The following CENPE variants were observed in gnomAD, a reference collection of about 807,000 sequenced individuals.
CENPE encodes centromere-associated protein E.
A neutral mutation model predicts 336.1 loss-of-function variants in CENPE; 145 were observed. That is an observed-to-expected ratio of 0.43 (90% confidence interval 0.38 to 0.50). The LOEUF (loss-of-function observed/expected upper bound fraction) is 0.50. Among genes scored for constraint, CENPE ranks in the 20% least tolerant of loss-of-function variants. CENPE has a pLI of 0.00. For synonymous variants in CENPE, 1,013 were observed against 984.8 expected (o/e 1.03, Z -0.54); for missense variants, 2,719 against 3,023.3 (o/e 0.90, Z 2.36).
chr4:103,151,765 G>A (rs1048973381), intron 25 of CENPE, among the ~76,000 whole-genome samples: 12 of 152,234 alleles, frequency 7.9e-5, no homozygotes, highest in Non-Finnish European at 1.5e-4. Flanking sequence ...CACTGCCAGC[G>A]AGCTCAAAAT....
At chr4:103,144,644 A>T in intron 32 of CENPE, 26 bp from the exon 33 acceptor site, 2 of 1,513,386 alleles carry the variant, frequency 1.3e-6, no homozygotes, top group Non-Finnish European at 1.8e-6. Context: ...AGTAAGTTAC[A>T]ACATAGGCAG....
chr4:103,148,959 T>A lies in CENPE; in HGVS notation c.3728A>T (p.His1243Leu). The A allele has an allele frequency of 6.2e-7, 1 of 1,613,812 alleles. No individual in the cohort carries two copies. The highest frequency in any genetic ancestry group is 1.1e-5 in the South Asian group (1 of 91,034). ...TKEELKIAHI[H>L]LKEHQETIDE... Reference sequence around the variant, plus strand: ...AATAGTTTCTTGGTGTTCTTTTAGGTGAATATGAGCAATTTTTAGTTCTTC... The same window carrying A: ...AATAGTTTCTTGGTGTTCTTTTAGGAGAATATGAGCAATTTTTAGTTCTTC... The change falls in exon 28 of 49, where the codon CAC becomes CTC. Residue 1243 changes from histidine to leucine, a missense_variant. Around this residue, in one of 5 missense-constraint regions of CENPE, gnomAD observed 2,437 missense variants for 2,513.3 expected, o/e 0.97. Transcript: ENST00000265148.
rs745833805 is a variant in CENPE, at chr4:103,145,033, AT to A, written c.4857+16del. ...ATTTCTGTATCCAAAAAAAAAAAAA[AT>A]AAGATGGGAACTTACTTTAGCTACA... On this transcript the variant is annotated intron_variant, in intron 32 of 48. Coordinates refer to ENST00000265148, the MANE Select transcript of CENPE (RefSeq NM_001813.3). The A allele has an allele frequency of 2.7e-6, 4 of 1,477,778 alleles. No homozygotes were observed. Among genetic ancestry groups the A allele is most frequent in the Non-Finnish European group, 3.6e-6 (4 of 1,115,062 alleles). 91.5% of individuals were successfully genotyped at this position (1,477,778 alleles called of 1,614,324 possible).
intron 43 of CENPE, among the ~76,000 whole-genome samples, chr4:103,122,537 T>C (rs75794908): frequency 5.9e-5 from 9 of 152,330 alleles, no homozygotes; most frequent in African/African-American, 2.2e-4. Context: ...TTGTTCTGCA[T>C]ACGGACATAG....
At chr4:103,131,812 G>A (rs762655443) in intron 42 of CENPE, among the ~76,000 whole-genome samples, 3 of 152,048 alleles carry the variant, frequency 2.0e-5, no homozygotes, top group East Asian at 1.9e-4. Context: ...TGGACAAAAC[G>A]TAAATAAATA....
chr4:103,109,679 T>C (rs537797474), intron 47 of CENPE, among the ~76,000 whole-genome samples: 26 of 152,280 alleles, frequency 1.7e-4, no homozygotes, highest in Admixed American at 7.2e-4. Flanking sequence ...TTTATCCCTA[T>C]TGGGGCCAAG....
At chr4:103,151,487 CTA>C in intron 25 of CENPE, 110 bp from the exon 26 acceptor site, 1 of 798,916 alleles carries the variant, frequency 1.3e-6, no homozygotes, top group Non-Finnish European at 1.8e-6. Flanking sequence ...TCAGGGAAAA[CTA>C]TATAGGAAAA....
rs1301373091 is a variant in CENPE at position 103,140,550 on chromosome 4, G to A, written c.5755-136C>T. Reference sequence around the variant, plus strand: ...AACCATTATACAACCTCCTAAATTAGAAGAGTAAAGTAAAATTTTCTGCTG... The same window carrying A: ...AACCATTATACAACCTCCTAAATTAAAAGAGTAAAGTAAAATTTTCTGCTG... On this transcript the variant is annotated intron_variant, in intron 36 of 48. Coordinates refer to ENST00000265148, the MANE Select transcript of CENPE (RefSeq NM_001813.3). 4.2e-6 allele frequency: 3 copies of A among 707,580 alleles called. No individual in the cohort carries two copies. The East Asian group carries it at 8.6e-5, about 20-fold the overall frequency. 43.8% of individuals were successfully genotyped at this position (707,580 alleles called of 1,614,324 possible).
intron 42 of CENPE, among the ~76,000 whole-genome samples, chr4:103,130,097 C>T (rs1333534737): frequency 6.6e-6 from 1 of 152,310 alleles, no homozygotes; most frequent in Non-Finnish European, 1.5e-5. Context: ...CTGCTGTGAT[C>T]AGAAACAAGG....
At chr4:103,152,314 C>A (rs1420535723) in intron 25 of CENPE, among the ~76,000 whole-genome samples, 1 of 152,040 alleles carries the variant, frequency 6.6e-6, no homozygotes, top group Non-Finnish European at 1.5e-5. Context: ...CAAATTAAAA[C>A]AACAGTCTGC....
rs199921711 is a variant in CENPE, at chr4:103,161,414, T to C, written c.1886A>G (p.Asp629Gly). 1.4e-5 allele frequency: 23 copies of C among 1,612,516 alleles called. No individual in the cohort carries two copies. Among genetic ancestry groups the C allele is most frequent in the Non-Finnish European group, 1.9e-5 (22 of 1,179,294 alleles). ...GGCATCAAGGGCTACAGTTTCAGCA[T>C]CAAACAGAGTCTGCTTCATTTGTTT... ...DPKQMKQTLF[D>G]AETVALDAKR... The change falls in exon 19 of 49, where the codon GAT becomes GGT. Residue 629 changes from aspartate to glycine, a missense_variant. Transcript: ENST00000265148.
At chr4:103,184,819 T>G (rs1313652022) in intron 9 of CENPE, among the ~76,000 whole-genome samples, 1 of 152,170 alleles carries the variant, frequency 6.6e-6, no homozygotes, top group Non-Finnish European at 1.5e-5. Context: ...TGTTTTTATG[T>G]TTCCATACAA....
Position 103,194,355 on chromosome 4 carries a change from G to C in CENPE, c.627+19C>G. ...CATTCTTACTTGGAAAGATCTAACA[G>C]ATAGATAGAATTACCTACCATCCTA... On this transcript the variant is annotated intron_variant, in intron 7 of 48. Transcript: ENST00000265148. 1 of 1,607,208 alleles carries C rather than the reference G, an allele frequency of 6.2e-7. No homozygotes were observed. Among genetic ancestry groups the C allele is most frequent in the South Asian group, 1.1e-5 (1 of 90,784 alleles).
At chr4:103,150,128 A>G (rs1428561938) in intron 26 of CENPE, among the ~76,000 whole-genome samples, 1 of 152,228 alleles carries the variant, frequency 6.6e-6, no homozygotes, top group African/African-American at 2.4e-5. Context: ...TTCACTTCCA[A>G]TAAGATGCTT....
At chr4:103,112,426 T>TAC (rs1159129466) in intron 46 of CENPE, among the ~76,000 whole-genome samples, 1 of 146,170 alleles carries the variant, frequency 6.8e-6, no homozygotes, top group South Asian at 2.1e-4. Context: ...TATATACTTA[T>TAC]ATACTTATAC....
chr4:103,110,971 G>A lies in CENPE; in HGVS notation c.7581C>T (p.Pro2527=). ...TGCCGCTGCCACCTCCACAAGTTAA[G>A]GGTTTATTTGAAGGCTGAGGATCAG... ...EHTDPQPSNK[P]LTCGGGSGIV... is the part of the protein sequence containing the mutation. The change falls in exon 47 of 49, where the codon CCC becomes CCT. Residue 2527 remains proline (P), a synonymous_variant. Transcript: ENST00000265148. 6.2e-7 allele frequency: 1 copy of A among 1,608,760 alleles called. No homozygotes were observed. The highest frequency in any genetic ancestry group is 8.5e-7 in the Non-Finnish European group (1 of 1,177,840).
intron 45 of CENPE, among the ~76,000 whole-genome samples, chr4:103,115,768 T>C (rs969234658): frequency 2.7e-5 from 4 of 150,844 alleles, no homozygotes; most frequent in Non-Finnish European, 5.9e-5. Flanking sequence ...TCTCACTCTG[T>C]CGCCCAGGCT....
At chr4:103,173,208 C>T (rs1318851944) in intron 16 of CENPE, among the ~76,000 whole-genome samples, 1 of 151,998 alleles carries the variant, frequency 6.6e-6, no homozygotes, top group Admixed American at 6.6e-5. Flanking sequence ...CATGCATATA[C>T]AGTCAACTGA....
intron 44 of CENPE, among the ~76,000 whole-genome samples, chr4:103,117,622 CTTT>C (rs771337112): frequency 1.1e-4 from 13 of 115,044 alleles, no homozygotes; most frequent in African/African-American, 4.4e-4. Flanking sequence ...ATTTTCTTTC[CTTT>C]TTTTTTTTTT....
Sources: allele counts gnomAD v4.1 joint callset (sites outside exome capture counted in the v4.1 genomes callset), GRCh38; gene constraint gnomAD v4.1.1; regional missense constraint gnomAD v4.1.1; transcripts MANE v1.5; gene names NCBI Gene and HGNC (gene_info 2026-07-23, HGNC 2026-07-21).